ANKRD36B: variants seen among roughly 807,000 people sequenced by gnomAD.
ANKRD36B encodes ankyrin repeat domain 36B, also known as ankyrin repeat domain-containing protein 36B.
A neutral mutation model predicts 135.7 loss-of-function variants in ANKRD36B; 37 were observed. That is an observed-to-expected ratio of 0.27 (90% CI 0.21 to 0.36). The LOEUF (loss-of-function observed/expected upper bound fraction) is 0.36. Ranked by LOEUF, ANKRD36B falls within the 10% of genes least tolerant of loss-of-function variation. ANKRD36B has a pLI of 1.00. For synonymous variants in ANKRD36B, 179 were observed against 348.1 expected, an observed-to-expected ratio of 0.51 and a Z score of 5.41; for missense variants, 549 against 1,037.1, an observed-to-expected ratio of 0.53 and a Z score of 6.46.
At chr2:97,552,999 G>T (rs2080199162) in intron 16 of ANKRD36B, among the ~76,000 whole-genome samples, 169 bp downstream of exon 16, 1 of 151,870 alleles carries the variant, frequency 6.6e-6, no homozygotes. Context: ...CAAGCCAGCA[G>T]CATTAGCGTC....
intron 12 of ANKRD36B, among the ~76,000 whole-genome samples, chr2:97,555,493 A>T (rs534626359): frequency 1.2e-4 from 18 of 152,044 alleles, no homozygotes; most frequent in Non-Finnish European, 2.4e-4. Context: ...TAAAACTAAA[A>T]TGAAACAGTG....
At chr2:97,580,674 G>A in intron 3 of ANKRD36B, 106 bp from the exon 4 acceptor site, 7 of 1,032,336 alleles carry the variant, frequency 6.8e-6, no homozygotes, top group Middle Eastern at 2.3e-4. Context: ...CAATTGAAAG[G>A]TCGTAAGAGG....
At chr2:97,555,037 T>C in intron 14 of ANKRD36B, 23 bp downstream of exon 14, 5 of 1,610,282 alleles carry the variant, frequency 3.1e-6, no homozygotes, top group Non-Finnish European at 4.2e-6. Context: ...GAACATGACA[T>C]TAAATGTGTT....
intron 43 of ANKRD36B, among the ~76,000 whole-genome samples, chr2:97,496,366 A>G (rs1019958460): frequency 1.4e-4 from 11 of 80,472 alleles, no homozygotes; most frequent in African/African-American, 3.2e-4. Context: ...AAGGTAAAGC[A>G]GCCAGTGCTG....
At chr2:97,589,429 C>T (rs1385355798) in intron 1 of ANKRD36B, 96 bp downstream of exon 1, 1 of 993,284 alleles carries the variant, frequency 1.0e-6, no homozygotes, top group Non-Finnish European at 1.4e-6. Flanking sequence ...TACCCCGAGC[C>T]CCGGACCATC....
rs2078708776 is a variant in ANKRD36B, at chr2:97,533,562, T to C, written c.2192-1178A>G. 5.2e-5 allele frequency among the ~76,000 whole-genome samples: 5 copies of C among 97,074 alleles called. No homozygotes were observed. The South Asian group carries it at 1.2e-3, about 23-fold the overall frequency. The allele number at this position is 97,074 out of a possible 152,430, so 63.7% of individuals were successfully genotyped here. On this transcript the variant is annotated intron_variant, in intron 34 of 43. Transcript: ENST00000359901. The stretch of plus-strand genomic sequence containing the variant: ...GTTGTGAGGACACTTCCAATAAATA[T>C]ACAATTTATTTCTCATCAGAGAAAC...
At chr2:97,543,007 C>G (rs1468365524) in intron 26 of ANKRD36B, among the ~76,000 whole-genome samples, 2 of 151,254 alleles carry the variant, frequency 1.3e-5, no homozygotes, top group African/African-American at 4.8e-5. Flanking sequence ...CATTAAATAC[C>G]TATTTTATCC....
chr2:97,569,913 C>T (rs1260026329), intron 6 of ANKRD36B, among the ~76,000 whole-genome samples: 2 of 151,854 alleles, frequency 1.3e-5, no homozygotes, highest in South Asian at 2.1e-4. Flanking sequence ...AAGAAAATAA[C>T]TGATAAATGA....
chr2:97,586,010 C>A (rs1313759259), intron 1 of ANKRD36B, among the ~76,000 whole-genome samples: 1 of 152,106 alleles, frequency 6.6e-6, no homozygotes, highest in African/African-American at 2.4e-5. Context: ...TTATAACTGG[C>A]AACATTTTAA....
At chr2:97,557,181 G>A (rs1000760934) in intron 10 of ANKRD36B, 49 bp from the exon 11 acceptor site, 64 of 1,492,866 alleles carry the variant, frequency 4.3e-5, no homozygotes, top group Admixed American at 1.3e-4. Flanking sequence ...ATATGACAAA[G>A]TCGTCCATAC....
chr2:97,566,097 C>T (rs10190971), intron 6 of ANKRD36B, among the ~76,000 whole-genome samples: 84,112 of 150,856 alleles, frequency 0.56, 25,013 homozygotes, highest in Non-Finnish European at 0.67. Context: ...GTGGATCACA[C>T]GAGGTCAAAA....
intron 18 of ANKRD36B, among the ~76,000 whole-genome samples, chr2:97,550,039 T>C (rs1381791364): frequency 6.6e-6 from 1 of 151,740 alleles, no homozygotes; most frequent in Non-Finnish European, 1.5e-5. Flanking sequence ...ACATTCATCA[T>C]GCTCTTTAAA....
intron 20 of ANKRD36B, among the ~76,000 whole-genome samples, chr2:97,548,129 C>G (rs1327481191): frequency 6.6e-6 from 1 of 151,796 alleles, no homozygotes; most frequent in Admixed American, 6.6e-5. Context: ...AAAGGATTTA[C>G]ACCATTATAC....
chr2:97,549,719 G>A (rs973228273), intron 18 of ANKRD36B, 105 bp from the exon 19 acceptor site: 2 of 1,575,250 alleles, frequency 1.3e-6, no homozygotes, highest in Non-Finnish European at 8.6e-7. Context: ...GCCTGTATTA[G>A]CGTAGGCTTT....
At chr2:97,578,476 T>C (rs2082365667) in intron 5 of ANKRD36B, among the ~76,000 whole-genome samples, 1 of 152,088 alleles carries the variant, frequency 6.6e-6, no homozygotes, top group Non-Finnish European at 1.5e-5. Context: ...GGGAACCCCT[T>C]AGGTTCTTGA....
chr2:97,560,574 C>T, intron 8 of ANKRD36B, 91 bp downstream of exon 8: 2 of 1,554,766 alleles, frequency 1.3e-6, no homozygotes, highest in Non-Finnish European at 1.7e-6. Flanking sequence ...GAACGTGCAG[C>T]TTATATGAAC....
rs2083291184 is a variant in ANKRD36B, at chr2:97,589,768, T to C, written c.-83A>G. The C allele has an allele frequency of 6.2e-7, 1 of 1,605,854 alleles. No individual in the cohort carries two copies. Among genetic ancestry groups the C allele is most frequent in the Non-Finnish European group, 8.5e-7 (1 of 1,175,836 alleles). ...GCCTGCAGCCGTATTTCAGCTCGCC[T>C]TCGGGGATCGCCGCCTCCGAAGAGC... On this transcript the variant is annotated 5_prime_UTR_variant, in exon 1 of 44. Transcript: ENST00000359901.
At chr2:97,539,951 A>AC (rs199679277) in intron 30 of ANKRD36B, 83 bp downstream of exon 30, 11,826 of 623,350 alleles carry the variant, frequency 0.019, 3,747 homozygotes, top group Non-Finnish European at 0.024. Flanking sequence ...GCTGCGACGA[A>AC]CCCCCCCGCT....
chr2:97,530,020 C>T, intron 35 of ANKRD36B, among the ~76,000 whole-genome samples: 1 of 95,946 alleles, frequency 1.0e-5, no homozygotes, highest in East Asian at 2.3e-4. Flanking sequence ...CATCAAGCTC[C>T]CAATGACTTT....
Sources: gnomAD v4.1 joint callset for allele counts (sites outside exome capture counted in the v4.1 genomes callset) on GRCh38, gnomAD v4.1.1 for gene constraint, MANE v1.5 for transcripts, NCBI Gene and HGNC (gene_info 2026-07-23, HGNC 2026-07-21) for gene names.